The following MAP3K20 variants were observed in gnomAD, a reference collection of about 807,000 sequenced individuals.
MAP3K20 encodes the protein HCCS-4.
In MAP3K20, 40 loss-of-function variants were observed where a neutral mutation model predicts 85.7. The ratio of observed to expected loss-of-function variants is 0.47; its 90% CI spans 0.36 to 0.61. The LOEUF is 0.61. MAP3K20 is among the 20% of genes least tolerant of loss of function. MAP3K20 has a pLI of 0.00. For missense variants in MAP3K20, 817 were observed against 961.7 expected (o/e 0.85, Z 1.99); for synonymous variants, 325 against 327.7 (o/e 0.99, Z 0.09).
intron 2 of MAP3K20, among the ~76,000 whole-genome samples, chr2:173,107,263 A>G (rs1455453365): frequency 6.6e-6 from 1 of 152,184 alleles, no homozygotes; most frequent in Non-Finnish European, 1.5e-5. Context: ...AAGAGACAGA[A>G]CAGCAGCTAT....
At chr2:173,080,336 C>A (rs1292373908) in intron 1 of MAP3K20, among the ~76,000 whole-genome samples, 1 of 152,194 alleles carries the variant, frequency 6.6e-6, no homozygotes, top group Non-Finnish European at 1.5e-5. Context: ...GAGCTGCTTG[C>A]CCACTGTCCT....
At chr2:173,256,955 C>T (rs539055255) in intron 16 of MAP3K20, among the ~76,000 whole-genome samples, 23 of 152,118 alleles carry the variant, frequency 1.5e-4, no homozygotes, top group African/African-American at 5.5e-4. Context: ...AATTTGAGAC[C>T]AGCTTGAGCA....
intron 11 of MAP3K20, among the ~76,000 whole-genome samples, chr2:173,227,423 C>T (rs1340373978): frequency 6.6e-6 from 1 of 152,162 alleles, no homozygotes; most frequent in Non-Finnish European, 1.5e-5. Context: ...TGGTAAGCCA[C>T]TCTGTGGCTG....
intron 2 of MAP3K20, among the ~76,000 whole-genome samples, chr2:173,125,921 C>G (rs1292423218): frequency 6.6e-6 from 1 of 152,154 alleles, no homozygotes; most frequent in Non-Finnish European, 1.5e-5. Flanking sequence ...CTCGGCCTCC[C>G]AAAGTGCTGG....
chr2:173,204,995 T>C (rs1683626890), intron 9 of MAP3K20, among the ~76,000 whole-genome samples: 1 of 149,312 alleles, frequency 6.7e-6, no homozygotes, highest in South Asian at 2.1e-4. Context: ...CCCAGCTACT[T>C]GGGAGGCTGA....
At chr2:173,212,240 G>A (rs1005664557) in intron 10 of MAP3K20, 13 of 149,468 alleles carry the variant, frequency 8.7e-5, no homozygotes, top group African/African-American at 3.2e-4. Context: ...GTACTGGGCT[G>A]TAGCGATGAG....
At chr2:173,220,401 C>T (rs147964362) in intron 11 of MAP3K20, among the ~76,000 whole-genome samples, 67 of 152,232 alleles carry the variant, frequency 4.4e-4, no homozygotes, top group African/African-American at 1.6e-3. Context: ...AATATTAGAG[C>T]GTATTAGAAC....
At chr2:173,186,690 T>C (rs1470871637) in intron 4 of MAP3K20, among the ~76,000 whole-genome samples, 2 of 152,176 alleles carry the variant, frequency 1.3e-5, no homozygotes, top group African/African-American at 4.8e-5. Context: ...TTTCTGCCAT[T>C]AGTTAGAAAA....
Position 173,221,092 on chromosome 2 carries a change from T to C in MAP3K20, c.987+3842T>C, listed in dbSNP as rs1574129897. On this transcript the variant is annotated intron_variant, in intron 11 of 19. Coordinates refer to ENST00000375213, the MANE Select transcript of MAP3K20 (RefSeq NM_016653.3). ...ACTAATTTTGTGGTATCTATTTTCC[T>C]GATTTAAATTGGTCCTAATTTCTCT... The C allele has an allele frequency of 1.5e-5, 21 of 1,398,492 alleles. No individual in the cohort carries two copies. In the East Asian group the frequency reaches 4.4e-4, roughly 30 times the overall value. The allele number at this position is 1,398,492 out of a possible 1,614,324, so 86.6% of individuals were successfully genotyped here. A position where few individuals can be genotyped will look rare whatever the true frequency, so the allele number is the denominator to read the frequency against.
At chr2:173,078,667 C>T (rs1276382041) in intron 1 of MAP3K20, among the ~76,000 whole-genome samples, 1 of 152,150 alleles carries the variant, frequency 6.6e-6, no homozygotes, top group Non-Finnish European at 1.5e-5. Context: ...CAAAGCAGCC[C>T]CACATTTGAC....
At chr2:173,176,289 TTAAAA>T (rs1162108075) in intron 3 of MAP3K20, among the ~76,000 whole-genome samples, 13 of 152,062 alleles carry the variant, frequency 8.5e-5, no homozygotes, top group African/African-American at 1.4e-4. Context: ...TTTTCTACCT[TTAAAA>T]TAAAGATAAT....
At chr2:173,207,759 GCCTAAAAGGAA>G (rs1683738059) in intron 9 of MAP3K20, 1 of 146,792 alleles carries the variant, frequency 6.8e-6, no homozygotes, top group Non-Finnish European at 1.5e-5. Flanking sequence ...CCTATGTGAT[GCCTAAAAGGAA>G]CCTAATCCGC....
intron 5 of MAP3K20, among the ~76,000 whole-genome samples, chr2:173,188,167 CTCT>C (rs1690546170): frequency 6.6e-6 from 1 of 152,144 alleles, no homozygotes; most frequent in African/African-American, 2.4e-5. Flanking sequence ...TTTCTTCTTT[CTCT>C]TCTTCTGTAC....
At chr2:173,152,239 C>T (rs1394462460) in intron 2 of MAP3K20, among the ~76,000 whole-genome samples, 1 of 152,200 alleles carries the variant, frequency 6.6e-6, no homozygotes, top group Admixed American at 6.5e-5. Context: ...TATATTGCAT[C>T]AGTCATCACC....
chr2:173,159,779 A>G (rs1003730742), intron 2 of MAP3K20, among the ~76,000 whole-genome samples: 5 of 152,198 alleles, frequency 3.3e-5, no homozygotes, highest in Non-Finnish European at 7.4e-5. Context: ...ATAGCTCTTG[A>G]ATCCCTGGTC....
intron 2 of MAP3K20, among the ~76,000 whole-genome samples, chr2:173,149,486 A>C (rs75829808): frequency 0.037 from 5,130 of 140,498 alleles, 118 homozygotes; most frequent in Admixed American, 0.062. Flanking sequence ...ATCTAAAATT[A>C]CTCCAAAATA....
intron 2 of MAP3K20, among the ~76,000 whole-genome samples, chr2:173,123,607 C>T (rs561244904): frequency 6.6e-6 from 1 of 152,328 alleles, no homozygotes; most frequent in African/African-American, 2.4e-5. Flanking sequence ...GTCAAGGGAA[C>T]CTCAGAGTTT....
intron 2 of MAP3K20, among the ~76,000 whole-genome samples, chr2:173,149,448 A>G (rs893242878): frequency 6.6e-6 from 1 of 152,100 alleles, no homozygotes; most frequent in Non-Finnish European, 1.5e-5. Context: ...TGAGGGGTAT[A>G]TGGGAACACT....
chr2:173,143,311 TTATC>T (rs1689031748), intron 2 of MAP3K20, among the ~76,000 whole-genome samples: 1 of 152,106 alleles, frequency 6.6e-6, no homozygotes. Context: ...AAATGAATAT[TTATC>T]CTAATAACAG....
Sources: allele counts gnomAD v4.1 joint callset (sites outside exome capture counted in the v4.1 genomes callset), GRCh38; gene constraint gnomAD v4.1.1; transcripts MANE v1.5; gene names NCBI Gene and HGNC (gene_info 2026-07-23, HGNC 2026-07-21).